MBTPS1: variants seen among roughly 807,000 people sequenced by gnomAD.
The protein encoded by MBTPS1 is membrane bound transcription factor peptidase, site 1.
In MBTPS1, 94 loss-of-function variants were observed where a neutral mutation model predicts 127.8. The observed-to-expected ratio is 0.74, with a 90% CI of 0.62 to 0.87. MBTPS1 has a LOEUF of 0.87. Among genes scored for constraint, MBTPS1 ranks in the 40% least tolerant of loss-of-function variants. The probability of loss-of-function intolerance (pLI) is 0.00; values close to 1 mark genes in which losing one functional copy is unlikely to be tolerated. For missense variants in MBTPS1, 1,636 were observed against 1,353.2 expected, an observed-to-expected ratio of 1.21 and a Z score of -3.28; for synonymous variants, 632 against 509.4, an observed-to-expected ratio of 1.24 and a Z score of -3.24.
rs1321166737 is a variant in MBTPS1 at position 84,085,006 on chromosome 16, T to C, written c.1263A>G (p.Ala421=). Residue 421 remains alanine (A), a synonymous_variant, in exon 10 of 23, where the codon GCA becomes GCG. Coordinates refer to ENST00000343411, the MANE Select transcript of MBTPS1 (RefSeq NM_003791.4). ...SGTSVASPVV[A]GAVTLLVSTV... ...ACCTCACTAACAAGGTGACAGCACC[T>C]GCAACCACTGGAGAAGCAACACTGG... is the stretch of plus-strand genomic sequence containing the variant. 25 of 1,614,166 alleles carry C rather than the reference T, an allele frequency of 1.5e-5. No homozygotes were observed. The highest frequency in any genetic ancestry group is 2.1e-5 in the Non-Finnish European group (25 of 1,180,040).
chr16:84,072,622 C>A (rs569608702), intron 12 of MBTPS1, among the ~76,000 whole-genome samples: 1 of 152,104 alleles, frequency 6.6e-6, no homozygotes, highest in Admixed American at 6.5e-5. Flanking sequence ...AAACCCGTCT[C>A]TACTAAAAAT....
At chr16:84,064,477 T>TA (rs2085653824) in intron 18 of MBTPS1, among the ~76,000 whole-genome samples, 2 of 152,188 alleles carry the variant, frequency 1.3e-5, no homozygotes, top group Non-Finnish European at 2.9e-5. Context: ...TTATTCAACT[T>TA]AAAGTCTTTA....
At chr16:84,079,941 A>C (rs930290930) in intron 11 of MBTPS1, among the ~76,000 whole-genome samples, 2 of 152,200 alleles carry the variant, frequency 1.3e-5, no homozygotes, top group African/African-American at 2.4e-5. Context: ...CCGAGTGCCC[A>C]GGTCTTGATT....
intron 18 of MBTPS1, among the ~76,000 whole-genome samples, chr16:84,064,691 T>C (rs972229964): frequency 6.6e-6 from 1 of 152,166 alleles, no homozygotes; most frequent in Non-Finnish European, 1.5e-5. Context: ...CTATGAGAAA[T>C]GCTTTTAGAA....
At chr16:84,089,405 C>T (rs185973589) in intron 8 of MBTPS1, among the ~76,000 whole-genome samples, 18 of 152,332 alleles carry the variant, frequency 1.2e-4, no homozygotes, top group Admixed American at 6.5e-4. Flanking sequence ...TGCAATTCAG[C>T]CTAGAATACT....
At chr16:84,061,052 A>C (rs557630847) in intron 19 of MBTPS1, 1 of 303,414 alleles carries the variant, frequency 3.3e-6, no homozygotes, top group African/African-American at 2.1e-5. Context: ...TCCTGGGCTC[A>C]AGTGATCTTC....
chr16:84,112,670 C>CA lies in MBTPS1; in HGVS notation c.-325+4064dup, dbSNP rs1317134153. On this transcript the variant is annotated intron_variant, in intron 1 of 22. Transcript: ENST00000343411. Reference sequence around the variant, plus strand: ...GAGCGAGACTCGGTCTCAAAAAAAACAAAAAAAAACAAAAAAAGAATACGC... The same window carrying CA: ...GAGCGAGACTCGGTCTCAAAAAAAACAAAAAAAAAACAAAAAAAGAATACGC... Among the ~76,000 whole-genome samples the CA allele has an allele frequency of 7.6e-4, 101 of 133,546 alleles. 3 individuals carry two copies. Among genetic ancestry groups the CA allele is most frequent in the South Asian group, 2.2e-3 (9 of 4,180 alleles). The allele number at this position is 133,546 out of a possible 152,430, so 87.6% of individuals were successfully genotyped here. A position where few individuals can be genotyped will look rare whatever the true frequency, so the allele number is the denominator to read the frequency against.
intron 16 of MBTPS1, among the ~76,000 whole-genome samples, chr16:84,067,231 G>T (rs2085698691): frequency 6.6e-6 from 1 of 152,144 alleles, no homozygotes; most frequent in African/African-American, 2.4e-5. Flanking sequence ...TCATATCTAA[G>T]ATTAACAAGG....
intron 2 of MBTPS1, among the ~76,000 whole-genome samples, chr16:84,101,058 T>C (rs2086247428): frequency 6.7e-6 from 1 of 149,826 alleles, no homozygotes. Flanking sequence ...CCCAACACTC[T>C]GGGAGGCCAA....
chr16:84,081,911 G>A lies in MBTPS1; in HGVS notation c.1287-3C>T, dbSNP rs1275146320. ...CCAGCTCACGCTTCTGGACTGTGCT[G>A]GAGGAAAAATCAAGAATTGCCTATT... On this transcript the variant is annotated splice_region_variant and splice_polypyrimidine_tract_variant and intron_variant, in intron 10 of 22. Transcript: ENST00000343411. 2.2e-6 allele frequency: 3 copies of A among 1,385,280 alleles called. No homozygotes were observed. The highest frequency in any genetic ancestry group is 1.8e-5 in the South Asian group (1 of 54,500). 85.8% of individuals were successfully genotyped at this position (1,385,280 alleles called of 1,614,324 possible). A position where few individuals can be genotyped will look rare whatever the true frequency, so the allele number is the denominator to read the frequency against.
intron 21 of MBTPS1, among the ~76,000 whole-genome samples, chr16:84,058,450 G>A (rs1247540027): frequency 6.6e-6 from 1 of 152,220 alleles, no homozygotes; most frequent in Non-Finnish European, 1.5e-5. Flanking sequence ...AGGCGGCCAG[G>A]GGGCCTCGGA....
intron 9 of MBTPS1, 26 bp downstream of exon 9, chr16:84,087,332 C>G: frequency 6.4e-7 from 1 of 1,552,968 alleles, no homozygotes; most frequent in Non-Finnish European, 8.9e-7. Flanking sequence ...CAGCTAAATA[C>G]AATTATTTAG....
At chr16:84,061,672 T>A (rs1353347931) in intron 19 of MBTPS1, 1 of 149,532 alleles carries the variant, frequency 6.7e-6, no homozygotes, top group Admixed American at 6.6e-5. Flanking sequence ...CCACTGGAAG[T>A]GTGACAGCAG....
At chr16:84,116,450 G>A (rs79340982) in intron 1 of MBTPS1, among the ~76,000 whole-genome samples, 2,034 of 152,308 alleles carry the variant, frequency 0.013, 16 homozygotes, top group South Asian at 0.025. Context: ...TGGAGGCTCC[G>A]GGCCAGAGCA....
chr16:84,064,121 T>A (rs1461808955), intron 18 of MBTPS1, among the ~76,000 whole-genome samples: 1 of 152,124 alleles, frequency 6.6e-6, no homozygotes, highest in Non-Finnish European at 1.5e-5. Context: ...CACCACCAGA[T>A]AATCTAGGAG....
At chr16:84,099,012 T>G (rs1258295480) in intron 3 of MBTPS1, 41 bp downstream of exon 3, 4 of 1,457,646 alleles carry the variant, frequency 2.7e-6, no homozygotes, top group East Asian at 2.5e-5. Context: ...ATTTTCAAAG[T>G]AAACAGCAGA....
intron 11 of MBTPS1, among the ~76,000 whole-genome samples, chr16:84,080,973 G>A (rs148496338): frequency 6.7e-4 from 102 of 152,326 alleles, no homozygotes; most frequent in East Asian, 3.9e-4. Flanking sequence ...CGGAGGAACC[G>A]TCTGTGATTA....
chr16:84,060,672 A>G lies in MBTPS1; in HGVS notation c.2704+10T>C. 6.2e-7 allele frequency: 1 copy of G among 1,611,486 alleles called. No individual in the cohort carries two copies. Among genetic ancestry groups the G allele is most frequent in the South Asian group, 1.1e-5 (1 of 90,958 alleles). On this transcript the variant is annotated intron_variant, in intron 20 of 22. Transcript: ENST00000343411. ...ATTCCCTCCCCAAGGCATCCTGCCCATCCACTCACCTTCCATCCTCTCTGG... is the reference window on the plus strand; with the variant it reads ...ATTCCCTCCCCAAGGCATCCTGCCCGTCCACTCACCTTCCATCCTCTCTGG...
chr16:84,060,731 G>A lies in MBTPS1; in HGVS notation c.2655C>T (p.Arg885=). The change falls in exon 20 of 23, where the codon CGC becomes CGT. Residue 885 remains arginine, a synonymous_variant. Transcript: ENST00000343411. ...AGCCTGCTCCACTGGGAGGGCGCTGGCGGTTCCCAGAGTGACTGAGGCTAG... is the reference window on the plus strand; with the variant it reads ...AGCCTGCTCCACTGGGAGGGCGCTGACGGTTCCCAGAGTGACTGAGGCTAG... ...TPPSLSHSGN[R]QRPPSGAGSV... is the part of the protein sequence containing the mutation. 1.2e-6 allele frequency: 2 copies of A among 1,613,538 alleles called. No homozygotes were observed. The highest frequency in any genetic ancestry group is 1.7e-6 in the Non-Finnish European group (2 of 1,179,796).
Sources: allele counts gnomAD v4.1 joint callset (sites outside exome capture counted in the v4.1 genomes callset), GRCh38; gene constraint gnomAD v4.1.1; transcripts MANE v1.5; gene names NCBI Gene and HGNC (gene_info 2026-07-23, HGNC 2026-07-21).